The following PQBP1 variants were observed in gnomAD, a reference collection of about 807,000 sequenced individuals.
The protein encoded by PQBP1 is polyglutamine binding protein 1.
A neutral mutation model predicts 20.9 loss-of-function variants in PQBP1; 3 were observed. That is an observed-to-expected ratio of 0.14 (90% confidence interval 0.07 to 0.37). The LOEUF is 0.37. PQBP1 is among the 10% of genes least tolerant of loss of function. The pLI, the probability that PQBP1 is intolerant of heterozygous loss-of-function variation, is 1.00. For missense variants in PQBP1, 162 were observed against 240.3 expected (o/e 0.67, Z 2.16); for synonymous variants, 83 against 93.8 (o/e 0.88, Z 0.67).
At chrX:48,899,687 G>A (rs1020673217) in intron 2 of PQBP1, among the ~76,000 whole-genome samples, 93 of 111,686 alleles carry the variant, frequency 8.3e-4, no homozygotes, top group Non-Finnish European at 2.8e-4. Context: ...TTACTCTATG[G>A]GGGTGATGAC....
chrX:48,902,771 C>T lies in PQBP1; in HGVS notation c.617C>T (p.Pro206Leu). ...GATGAAGAGTTAGACCCCATGGACC[C>T]TAGCTCATACTCAGACGCCCCCCGG... ...RKDEELDPMD[P>L]SSYSDAPRGT... The change falls in exon 6 of 7, where the codon CCT (proline) becomes CTT (leucine). Residue 206 changes from proline to leucine, a missense_variant. Physicochemically the swap from Pro to Leu is moderately conservative, Grantham distance 98. Transcript: ENST00000447146. 1 of 1,203,488 alleles carries T rather than the reference C, an allele frequency of 8.3e-7. No individual in the cohort carries two copies. The highest frequency in any genetic ancestry group is 1.1e-6 in the Non-Finnish European group (1 of 891,581).
intron 3 of PQBP1, 94 bp downstream of exon 3, chrX:48,901,395 C>T (rs1557041065): frequency 5.2e-6 from 6 of 1,158,426 alleles, no homozygotes; most frequent in Admixed American, 5.2e-5. Flanking sequence ...GAGGGAGCCT[C>T]GGGTGGAGGG....
At chrX:48,902,572 G>A (rs782370136) in intron 5 of PQBP1, 55 bp downstream of exon 5, 10 of 1,178,201 alleles carry the variant, frequency 8.5e-6, no homozygotes, top group East Asian at 3.0e-5. Context: ...GGTGCACTGC[G>A]TGAGGAAGCC....
At chrX:48,898,630 TTTG>T (rs2063345772) in intron 2 of PQBP1, 54 bp downstream of exon 2, 3 of 1,127,154 alleles carry the variant, frequency 2.7e-6, no homozygotes, top group African/African-American at 3.6e-5. Context: ...GACAGGCACT[TTTG>T]TTGTTGATAC....
chrX:48,899,973 G>T (rs1002454674), intron 2 of PQBP1, among the ~76,000 whole-genome samples: 1 of 111,973 alleles, frequency 8.9e-6, no homozygotes, highest in African/African-American at 3.2e-5. Context: ...ATCCCAGGCC[G>T]GGCAGGGTGC....
At chrX:48,898,218 C>A (rs1041169578) in intron 1 of PQBP1, 136 bp downstream of exon 1, 1 of 971,956 alleles carries the variant, frequency 1.0e-6, no homozygotes, top group Admixed American at 2.8e-5. Context: ...TGCGGAGGGG[C>A]CGGGCTTCTT....
intron 3 of PQBP1, chrX:48,901,555 G>A: frequency 3.2e-6 from 2 of 627,333 alleles, no homozygotes; most frequent in Middle Eastern, 5.0e-4. Context: ...CTCGGCTTAT[G>A]GCAACCTCCG....
intron 4 of PQBP1, 81 bp from the exon 5 acceptor site, chrX:48,902,152 C>A: frequency 8.3e-7 from 1 of 1,208,263 alleles, no homozygotes; most frequent in Non-Finnish European, 1.1e-6. Flanking sequence ...CGGGCCCAGC[C>A]TCAGGCAAGG....
Position 48,898,017 on chromosome X carries a change from A to G in PQBP1, c.-84A>G. Reference sequence around the variant, plus strand: ...GGAAGAGAGTCGTGTGGGCCCAGGTATCGTAGCGGCGACACGAGAGAGACG... The same window carrying G: ...GGAAGAGAGTCGTGTGGGCCCAGGTGTCGTAGCGGCGACACGAGAGAGACG... On this transcript the variant is annotated 5_prime_UTR_variant, in exon 1 of 7. Coordinates refer to ENST00000447146, the MANE Select transcript of PQBP1 (RefSeq NM_001032382.2). The G allele has an allele frequency of 1.0e-6, 1 of 1,000,431 alleles. No individual in the cohort carries two copies. The highest frequency in any genetic ancestry group is 1.3e-6 in the Non-Finnish European group (1 of 770,324). 82.4% of individuals were successfully genotyped at this position (1,000,431 alleles called of 1,213,427 possible).
chrX:48,901,547 C>T (rs782775211), intron 3 of PQBP1: 15 of 659,605 alleles, frequency 2.3e-5, no homozygotes, highest in Middle Eastern at 4.8e-4. Flanking sequence ...GGTGTGATCT[C>T]GGCTTATGGC....
rs1332655051 is a variant in PQBP1, at chrX:48,898,059, T to A, written c.-42T>A. 2.9e-6 allele frequency: 3 copies of A among 1,036,749 alleles called. No individual in the cohort carries two copies. The highest frequency in any genetic ancestry group is 8.3e-5 in the Admixed American group (2 of 24,105). The allele number at this position is 1,036,749 out of a possible 1,213,427, so 85.4% of individuals were successfully genotyped here. On this transcript the variant is annotated 5_prime_UTR_variant, in exon 1 of 7. Coordinates refer to ENST00000447146, the MANE Select transcript of PQBP1 (RefSeq NM_001032382.2). Reference sequence around the variant, plus strand: ...AGAGAGACGGGCGGTGTGACAGCCTTCCACTACCTGCACGAGTGTATTGGT... The same window carrying A: ...AGAGAGACGGGCGGTGTGACAGCCTACCACTACCTGCACGAGTGTATTGGT...
intron 5 of PQBP1, 76 bp from the exon 6 acceptor site, chrX:48,902,653 TTTC>T (rs1557041641): frequency 8.7e-7 from 1 of 1,155,458 alleles, no homozygotes; most frequent in East Asian, 3.2e-5. Flanking sequence ...AGGGGCTTCA[TTTC>T]TTCTTGTGGG....
At chrX:48,902,210 C>T in intron 4 of PQBP1, 23 bp from the exon 5 acceptor site, 3 of 1,210,627 alleles carry the variant, frequency 2.5e-6, no homozygotes, top group Non-Finnish European at 3.4e-6. Context: ...GGCAAGAGGT[C>T]ACTTCAAGAC....
rs2063398626 is a variant in PQBP1 at position 48,900,848 on chromosome X, C to T, written c.68-342C>T. ...CCTCGTGATCCACCCACTTTGGCCT[C>T]CTAAAGTGCTGGGATTACAGGCATG... On this transcript the variant is annotated intron_variant, in intron 2 of 6. Coordinates refer to ENST00000447146, the MANE Select transcript of PQBP1 (RefSeq NM_001032382.2). 4.5e-5 allele frequency among the ~76,000 whole-genome samples: 5 copies of T among 111,043 alleles called. No homozygotes were observed. The South Asian group carries it at 1.1e-3, about 25-fold the overall frequency.
chrX:48,899,709 TAGG>T (rs1310022078), intron 2 of PQBP1, among the ~76,000 whole-genome samples: 1 of 112,013 alleles, frequency 8.9e-6, no homozygotes, highest in Non-Finnish European at 1.9e-5. Context: ...TAGTATCTAA[TAGG>T]AAGTACTGCT....
chrX:48,898,612 C>T, intron 2 of PQBP1, 36 bp downstream of exon 2: 1 of 1,172,775 alleles, frequency 8.5e-7, no homozygotes, highest in Non-Finnish European at 1.2e-6. Context: ...CTAACACGTG[C>T]CAGCCTCGAC....
rs1299424327 is a variant in PQBP1, at chrX:48,899,389, G to A, written c.67+813G>A. 2.7e-5 allele frequency among the ~76,000 whole-genome samples: 3 copies of A among 111,669 alleles called. No homozygotes were observed. The East Asian group carries it at 8.5e-4, about 31-fold the overall frequency. On this transcript the variant is annotated intron_variant, in intron 2 of 6. Transcript: ENST00000447146. The stretch of plus-strand genomic sequence containing the variant: ...TAGATTGCTTGAGTTTAGGGATTAA[G>A]AGATTAGCCTGAGCAACATGGCAAA...
rs34214032 is a variant in PQBP1, at chrX:48,898,785, C to CTTTTTTTTTT, written c.67+239_67+248dup. On this transcript the variant is annotated intron_variant, in intron 2 of 6. Transcript: ENST00000447146. ...GGGTTGGGGGAATAGATATTTCATT[C>CTTTTTTTTTT]TTTTTTTTTTTTTTTTTTTTTTTTT... 1.3e-3 allele frequency among the ~76,000 whole-genome samples: 27 copies of CTTTTTTTTTT among 21,483 alleles called. 6 individuals are homozygous for CTTTTTTTTTT. The highest frequency in any genetic ancestry group is 2.0e-3 in the African/African-American group (11 of 5,421). The allele number at this position is 21,483 out of a possible 115,157, so 18.7% of individuals were successfully genotyped here.
intron 1 of PQBP1, 75 bp from the exon 2 acceptor site, chrX:48,898,417 G>C (rs1262649554): frequency 1.2e-5 from 11 of 943,450 alleles, no homozygotes; most frequent in Non-Finnish European, 1.5e-5. Context: ...ACATGTTTAC[G>C]GGAGGCGCTT....
Sources: gnomAD v4.1 joint callset for allele counts (sites outside exome capture counted in the v4.1 genomes callset) on GRCh38, gnomAD v4.1.1 for gene constraint, MANE v1.5 for transcripts, NCBI Gene and HGNC (gene_info 2026-07-23, HGNC 2026-07-21) for gene names.